The following PCCA variants were observed in gnomAD, a reference collection of about 807,000 sequenced individuals.
The protein encoded by PCCA is propionyl-CoA carboxylase subunit alpha.
PCCA carries 74 observed loss-of-function variants against 101.3 expected under a neutral mutation model. The observed-to-expected ratio is 0.73, with a 90% CI of 0.61 to 0.89. The LOEUF is 0.89. PCCA is among the 40% of genes least tolerant of loss of function. The pLI is 0.00. For missense variants in PCCA, 891 were observed against 907.0 expected, an observed-to-expected ratio of 0.98 and a Z score of 0.23; for synonymous variants, 294 against 313.6, an observed-to-expected ratio of 0.94 and a Z score of 0.66.
chr13:100,378,208 GT>G (rs1247450933), intron 19 of PCCA, among the ~76,000 whole-genome samples: 1 of 152,176 alleles, frequency 6.6e-6, no homozygotes, highest in African/African-American at 2.4e-5. Flanking sequence ...ACTGGGTATA[GT>G]ACCACTGAGT....
At chr13:100,138,190 C>T (rs940220664) in intron 4 of PCCA, among the ~76,000 whole-genome samples, 3 of 151,844 alleles carry the variant, frequency 2.0e-5, no homozygotes, top group Admixed American at 6.6e-5. Flanking sequence ...CTCTTTGTGT[C>T]TTCTTTTGCA....
At chr13:100,505,410 C>T (rs2085992483) in intron 21 of PCCA, among the ~76,000 whole-genome samples, 1 of 152,188 alleles carries the variant, frequency 6.6e-6, no homozygotes, top group East Asian at 1.9e-4. Context: ...CTGGGAACCT[C>T]TCTGAACACG....
At chr13:100,454,403 C>CTG in intron 21 of PCCA, among the ~76,000 whole-genome samples, 1 of 152,204 alleles carries the variant, frequency 6.6e-6, no homozygotes, top group South Asian at 2.1e-4. Flanking sequence ...CTGAATTTTT[C>CTG]TGTGTGTGTT....
chr13:100,450,139 C>T (rs559366566), intron 21 of PCCA, among the ~76,000 whole-genome samples: 7 of 152,290 alleles, frequency 4.6e-5, no homozygotes, highest in African/African-American at 1.4e-4. Flanking sequence ...AATCCCAGCA[C>T]TTTGGGAGGC....
intron 18 of PCCA, among the ~76,000 whole-genome samples, chr13:100,365,834 A>G (rs1331069051): frequency 6.6e-6 from 1 of 152,230 alleles, no homozygotes; most frequent in Admixed American, 6.5e-5. Flanking sequence ...TTTTATACAT[A>G]CATAAGGAAA....
intron 14 of PCCA, among the ~76,000 whole-genome samples, chr13:100,303,705 T>G (rs999343682): frequency 6.6e-6 from 1 of 152,186 alleles, no homozygotes; most frequent in Non-Finnish European, 1.5e-5. Flanking sequence ...TTTTGATTAC[T>G]GGCATGAAGA....
chr13:100,413,219 T>A (rs144234222), intron 19 of PCCA, among the ~76,000 whole-genome samples: 1 of 152,152 alleles, frequency 6.6e-6, no homozygotes, highest in African/African-American at 2.4e-5. Flanking sequence ...TAATATAAAG[T>A]AGGTAGGATT....
chr13:100,382,848 T>C (rs370334731), intron 19 of PCCA, among the ~76,000 whole-genome samples: 15 of 152,066 alleles, frequency 9.9e-5, no homozygotes, highest in East Asian at 7.7e-4. Flanking sequence ...TTGGAAGTAA[T>C]TAAAATAATG....
intron 22 of PCCA, among the ~76,000 whole-genome samples, chr13:100,516,016 C>G (rs1292586959): frequency 6.6e-6 from 1 of 152,180 alleles, no homozygotes; most frequent in Non-Finnish European, 1.5e-5. Flanking sequence ...CTGTACAGTA[C>G]CAGAGCACTT....
chr13:100,212,072 T>C (rs1166645461), intron 7 of PCCA, among the ~76,000 whole-genome samples: 1 of 152,202 alleles, frequency 6.6e-6, no homozygotes, highest in African/African-American at 2.4e-5. Flanking sequence ...CTCAAATGTA[T>C]GTATCTGTTC....
At chr13:100,331,663 G>A (rs2069596464) in intron 17 of PCCA, among the ~76,000 whole-genome samples, 1 of 151,948 alleles carries the variant, frequency 6.6e-6, no homozygotes, top group Non-Finnish European at 1.5e-5. Context: ...TCTAAGTTGG[G>A]ATCTTAAAAC....
Position 100,204,070 on chromosome 13 carries a change from C to T in PCCA, c.469-5262C>T, listed in dbSNP as rs144070825. 2.6e-4 allele frequency among the ~76,000 whole-genome samples: 40 copies of T among 151,942 alleles called. No homozygotes were observed. The East Asian group carries it at 7.7e-3, about 29-fold the overall frequency. On this transcript the variant is annotated intron_variant, in intron 6 of 23. Coordinates refer to ENST00000376285, the MANE Select transcript of PCCA (RefSeq NM_000282.4). ...TACCAGAAACACTCTTTTCTTTTATCATGGAATAGTATTAAAAACCACAAT... is the reference window on the plus strand; with the variant it reads ...TACCAGAAACACTCTTTTCTTTTATTATGGAATAGTATTAAAAACCACAAT...
chr13:100,468,817 G>C (rs535585260), intron 21 of PCCA, among the ~76,000 whole-genome samples: 192 of 152,254 alleles, frequency 1.3e-3, no homozygotes, highest in African/African-American at 4.4e-3. Flanking sequence ...TTGAGGTCAG[G>C]AGTTCGAGAC....
At chr13:100,243,343 TAAGC>T (rs1020647168) in intron 8 of PCCA, among the ~76,000 whole-genome samples, 1 of 152,266 alleles carries the variant, frequency 6.6e-6, no homozygotes, top group Non-Finnish European at 1.5e-5. Context: ...AGAAATGAAT[TAAGC>T]AATCACATAT....
intron 6 of PCCA, among the ~76,000 whole-genome samples, chr13:100,190,628 T>C (rs189078450): frequency 1.3e-5 from 2 of 152,154 alleles, no homozygotes; most frequent in East Asian, 1.9e-4. Flanking sequence ...TGAGCCGAGA[T>C]TGTGCTATTG....
chr13:100,442,991 T>G (rs1410952702), intron 20 of PCCA, among the ~76,000 whole-genome samples: 1 of 152,076 alleles, frequency 6.6e-6, no homozygotes, highest in Non-Finnish European at 1.5e-5. Context: ...AAGAACTGTT[T>G]TGTTTTGTGT....
intron 10 of PCCA, among the ~76,000 whole-genome samples, chr13:100,265,875 A>G (rs2062904050): frequency 6.6e-6 from 1 of 152,170 alleles, no homozygotes; most frequent in Non-Finnish European, 1.5e-5. Flanking sequence ...TTTTGGCCTA[A>G]GAAATGAGAA....
chr13:100,286,639 T>G (rs1477875023), intron 12 of PCCA, among the ~76,000 whole-genome samples: 2 of 152,202 alleles, frequency 1.3e-5, no homozygotes, highest in Admixed American at 1.3e-4. Context: ...CCTTACAGCT[T>G]TCTTTTCAAA....
intron 7 of PCCA, among the ~76,000 whole-genome samples, chr13:100,229,153 A>G (rs1396699636): frequency 6.6e-6 from 1 of 152,100 alleles, no homozygotes; most frequent in East Asian, 1.9e-4. Flanking sequence ...AGCAGGTTTT[A>G]CAAAACCTAA....
Sources: gnomAD v4.1 joint callset for allele counts (sites outside exome capture counted in the v4.1 genomes callset) on GRCh38, gnomAD v4.1.1 for gene constraint, MANE v1.5 for transcripts, NCBI Gene and HGNC (gene_info 2026-07-23, HGNC 2026-07-21) for gene names.